Variants in TPTE observed in about 807,000 individuals in gnomAD.
The protein encoded by TPTE is putative tyrosine-protein phosphatase TPTE.
In TPTE, 59 loss-of-function variants were observed where a neutral mutation model predicts 84.1. The observed-to-expected ratio is 0.70, with a 90% CI of 0.57 to 0.87. TPTE has a LOEUF of 0.87. Among genes scored for constraint, TPTE ranks in the 40% least tolerant of loss-of-function variants. The pLI, the probability that TPTE is intolerant of heterozygous loss-of-function variation, is 0.00. For synonymous variants in TPTE, 130 were observed against 223.5 expected (o/e 0.58, Z 3.73); for missense variants, 382 against 659.6 (o/e 0.58, Z 4.61).
intron 19 of TPTE, among the ~76,000 whole-genome samples, chr21:10,595,577 T>C (rs1367114021): frequency 6.6e-6 from 1 of 152,308 alleles, no homozygotes; most frequent in Non-Finnish European, 1.5e-5. Context: ...GGTATTCCTC[T>C]GGAGTTTTCA....
chr21:10,568,089 C>T (rs562982968), intron 11 of TPTE, among the ~76,000 whole-genome samples: 91 of 152,312 alleles, frequency 6.0e-4, no homozygotes, highest in African/African-American at 1.9e-3. Context: ...TTGAAGTTCT[C>T]GTCAAATTCC....
rs2074383220 is a variant in TPTE at position 10,542,309 on chromosome 21, G to T, written c.66-86G>T. The T allele has an allele frequency of 2.6e-6, 4 of 1,513,946 alleles. No individual in the cohort carries two copies. The East Asian group carries it at 7.1e-5, about 27-fold the overall frequency. 93.8% of individuals were successfully genotyped at this position (1,513,946 alleles called of 1,614,324 possible). On this transcript the variant is annotated intron_variant, in intron 5 of 23. Transcript: ENST00000618007. ...AATAGTCAGAAATTAATTGGTTTCTGTCTAGAGTAATGAAAGGTAATTTTT... is the reference window on the plus strand; with the variant it reads ...AATAGTCAGAAATTAATTGGTTTCTTTCTAGAGTAATGAAAGGTAATTTTT...
intron 14 of TPTE, among the ~76,000 whole-genome samples, chr21:10,573,261 T>A (rs1304572051): frequency 6.6e-6 from 1 of 152,300 alleles, no homozygotes; most frequent in Non-Finnish European, 1.5e-5. Context: ...GGTCATTTTA[T>A]AATAATAAAG....
At chr21:10,553,930 A>G (rs2074628887) in intron 8 of TPTE, among the ~76,000 whole-genome samples, 1 of 152,310 alleles carries the variant, frequency 6.6e-6, no homozygotes, top group South Asian at 2.1e-4. Context: ...TAGTTCTGTA[A>G]ATAGGTTTTA....
rs202075348 is a variant in TPTE at position 10,567,662 on chromosome 21, T to C, written c.447-8T>C. On this transcript the variant is annotated splice_region_variant and splice_polypyrimidine_tract_variant and intron_variant, in intron 10 of 23. Transcript: ENST00000618007. ...GAATGAACTTATTTTTTTTGTTTTA[T>C]ATTACAGGAGACAGCAGTATTTTTC... The C allele has an allele frequency of 1.2e-4, 188 of 1,610,524 alleles. No homozygotes were observed. Among genetic ancestry groups the C allele is most frequent in the Non-Finnish European group, 1.5e-4 (172 of 1,178,726 alleles).
At chr21:10,523,179 TAAC>T (rs1296530781) in intron 1 of TPTE, among the ~76,000 whole-genome samples, 124 of 152,338 alleles carry the variant, frequency 8.1e-4, no homozygotes, top group African/African-American at 2.8e-3. Flanking sequence ...AAAGAAAAAA[TAAC>T]TAGAGAGATA....
chr21:10,531,935 T>G (rs2074185308), intron 3 of TPTE, among the ~76,000 whole-genome samples: 1 of 152,298 alleles, frequency 6.6e-6, no homozygotes, highest in Non-Finnish European at 1.5e-5. Flanking sequence ...CCTTTTTCCT[T>G]GTTTATGTAA....
intron 2 of TPTE, among the ~76,000 whole-genome samples, chr21:10,525,653 A>C (rs1021583192): frequency 1.3e-5 from 2 of 152,310 alleles, no homozygotes; most frequent in Non-Finnish European, 2.9e-5. Flanking sequence ...GGTTGCTCCT[A>C]TCTACCAAAA....
In TPTE at chr21:10,552,696, T is replaced by C; in HGVS notation, c.213T>C (p.Ala71=). Residue 71 remains alanine, a synonymous_variant, in exon 8 of 24, where the codon GCT becomes GCC. Transcript: ENST00000618007. ...ARLSKFEVED[A]ENVASYDSKI... Reference sequence around the variant, plus strand: ...TTTCCAAGTTTGAAGTTGAAGATGCTGAAAATGTTGCTTCATATGAGTAAG... The same window carrying C: ...TTTCCAAGTTTGAAGTTGAAGATGCCGAAAATGTTGCTTCATATGAGTAAG... 1 of 1,613,896 alleles carries C rather than the reference T, an allele frequency of 6.2e-7. No individual in the cohort carries two copies. The highest frequency in any genetic ancestry group is 8.5e-7 in the Non-Finnish European group (1 of 1,179,808).
At chr21:10,596,551 C>T (rs1281027370) in intron 20 of TPTE, among the ~76,000 whole-genome samples, 1 of 152,308 alleles carries the variant, frequency 6.6e-6, no homozygotes, top group Non-Finnish European at 1.5e-5. Context: ...ACCCTGGGCT[C>T]TCCCTTTCCC....
intron 23 of TPTE, 140 bp from the exon 24 acceptor site, chr21:10,605,277 C>G (rs1979138815): frequency 8.3e-7 from 1 of 1,208,894 alleles, no homozygotes; most frequent in Middle Eastern, 2.8e-4. Flanking sequence ...AAGGAGCCAA[C>G]TGAGACACAA....
chr21:10,605,436 G>A lies in TPTE; in HGVS notation c.1540G>A (p.Glu514Lys), dbSNP rs751475912. The A allele has an allele frequency of 3.1e-6, 5 of 1,613,920 alleles. No homozygotes were observed. The Admixed American group carries it at 5.0e-5, about 16-fold the overall frequency. ...TCTTAGGCTTTATCTACCAAAAAAT[G>A]AATTGGATAATCTACATAAACAAAA... ...ENNRLYLPKN[E>K]LDNLHKQKAR... Residue 514 changes from glutamate (E) to lysine (K), a missense_variant, in exon 24 of 24, where the codon GAA (glutamate) becomes AAA (lysine). This residue lies in a region of TPTE where 120 missense variants were observed against 79.1 expected (regional missense o/e 1.52). Transcript: ENST00000618007.
chr21:10,525,269 G>A (rs1269206913), intron 2 of TPTE, among the ~76,000 whole-genome samples: 3 of 152,428 alleles, frequency 2.0e-5, no homozygotes, highest in Admixed American at 6.5e-5. Context: ...TAAGATCTGT[G>A]AATCAACTAA....
In TPTE at chr21:10,562,419, A is replaced by G. The variant is rs1600906012; in HGVS notation, c.446+1228A>G. On this transcript the variant is annotated intron_variant, in intron 10 of 23. Transcript: ENST00000618007. ...CCTCACCAAATGAACTAAATAAGAC[A>G]CCAGGGGCCAATCCTGTAGAAACAG... 1.1e-4 allele frequency among the ~76,000 whole-genome samples: 17 copies of G among 152,414 alleles called. No homozygotes were observed. The South Asian group carries it at 3.5e-3, about 32-fold the overall frequency.
chr21:10,553,028 A>AATAGTG (rs1288417780), intron 8 of TPTE, among the ~76,000 whole-genome samples: 3 of 152,310 alleles, frequency 2.0e-5, no homozygotes, highest in African/African-American at 7.2e-5. Context: ...TTAACTCATC[A>AATAGTG]ATAGTGAACG....
At chr21:10,586,204 A>G (rs2075362705) in intron 17 of TPTE, among the ~76,000 whole-genome samples, 1 of 152,418 alleles carries the variant, frequency 6.6e-6, no homozygotes, top group African/African-American at 2.4e-5. Flanking sequence ...TAAGGCTACA[A>G]GTTTTCCTCT....
chr21:10,562,548 A>G (rs1417158839), intron 10 of TPTE, among the ~76,000 whole-genome samples: 2 of 152,312 alleles, frequency 1.3e-5, no homozygotes, highest in Non-Finnish European at 2.9e-5. Flanking sequence ...ATTCTATTAG[A>G]TAAGTTTAAC....
chr21:10,588,812 AG>A (rs2075413114), intron 17 of TPTE, among the ~76,000 whole-genome samples: 1 of 152,308 alleles, frequency 6.6e-6, no homozygotes, highest in Non-Finnish European at 1.5e-5. Context: ...TAAAGCTTTC[AG>A]TTGTATTTTG....
At chr21:10,601,541 A>G (rs1156465588) in intron 21 of TPTE, among the ~76,000 whole-genome samples, 1 of 152,302 alleles carries the variant, frequency 6.6e-6, no homozygotes, top group African/African-American at 2.4e-5. Flanking sequence ...ATAACCCTCA[A>G]ATATGTTGGC....
Sources: allele counts gnomAD v4.1 joint callset (sites outside exome capture counted in the v4.1 genomes callset), GRCh38; gene constraint gnomAD v4.1.1; regional missense constraint gnomAD v4.1.1; transcripts MANE v1.5; gene names NCBI Gene and HGNC (gene_info 2026-07-23, HGNC 2026-07-21).